The following SEPTIN5 variants were observed in gnomAD, a reference collection of about 807,000 sequenced individuals.
SEPTIN5 encodes the protein septin 5, also known as septin-5.
A neutral mutation model predicts 51.2 loss-of-function variants in SEPTIN5; 16 were observed. The ratio of observed to expected loss-of-function variants is 0.31; its 90% CI spans 0.21 to 0.47. The LOEUF (loss-of-function observed/expected upper bound fraction) is 0.47, where lower values mean the gene tolerates loss of function less well. Among genes scored for constraint, SEPTIN5 ranks in the 20% least tolerant of loss-of-function variants. The probability of loss-of-function intolerance (pLI) is 0.99; values close to 1 mark genes in which losing one functional copy is unlikely to be tolerated. For missense variants in SEPTIN5, 376 were observed against 500.3 expected, an observed-to-expected ratio of 0.75 and a Z score of 2.37; for synonymous variants, 208 against 191.2, an observed-to-expected ratio of 1.09 and a Z score of -0.72.
chr22:19,717,211 G>A (rs1398026220), intron 2 of SEPTIN5: 3 of 439,472 alleles, frequency 6.8e-6, no homozygotes, highest in Non-Finnish European at 1.4e-5. Context: ...GGGGCCTCCA[G>A]CTTCTAATGT....
intron 2 of SEPTIN5, chr22:19,719,143 C>T (rs1411906639): frequency 1.6e-5 from 4 of 243,774 alleles, no homozygotes; most frequent in Non-Finnish European, 3.1e-5. Context: ...CCGCCACCGC[C>T]GCTGCCGCCG....
chr22:19,720,072 G>A, intron 4 of SEPTIN5, 43 bp from the exon 5 acceptor site: 2 of 1,610,822 alleles, frequency 1.2e-6, no homozygotes, highest in Non-Finnish European at 1.7e-6. Flanking sequence ...AGGGTGAGGG[G>A]CTGAGGGTTG....
rs1935999586 is a variant in SEPTIN5 at position 19,720,229 on chromosome 22, A to C, written c.353A>C (p.Asn118Thr). 1 of 1,613,520 alleles carries C rather than the reference A, an allele frequency of 6.2e-7. No homozygotes were observed. The highest frequency in any genetic ancestry group is 8.5e-7 in the Non-Finnish European group (1 of 1,180,004). Reference protein sequence around the residue: ...DTPGFGDAVNNTECWKPITDY... With the variant: ...DTPGFGDAVNTTECWKPITDY... ...CCGGGATTCGGGGACGCTGTCAACA[A>C]CACCGAGTGGTGAGTGAGGCCTGCT... The change falls in exon 5 of 12, where the codon AAC (asparagine) becomes ACC (threonine). Residue 118 changes from asparagine (N) to threonine (T), a missense_variant. Around this residue, in one of 2 missense-constraint regions of SEPTIN5, gnomAD observed 287 missense variants for 417.1 expected, o/e 0.69. Transcript: ENST00000455784.
In SEPTIN5 at chr22:19,717,391, G is replaced by A. The variant is rs1404026982; in HGVS notation, c.55-2211G>A. 13 of 468,338 alleles carry A rather than the reference G, an allele frequency of 2.8e-5. No homozygotes were observed. The Admixed American group carries it at 3.1e-4, about 11-fold the overall frequency. 29.0% of individuals were successfully genotyped at this position (468,338 alleles called of 1,614,324 possible). A position where few individuals can be genotyped will look rare whatever the true frequency, so the allele number is the denominator to read the frequency against. On this transcript the variant is annotated intron_variant, in intron 2 of 11. Coordinates refer to ENST00000455784, the MANE Select transcript of SEPTIN5 (RefSeq NM_002688.6). Reference sequence around the variant, plus strand: ...CAGTCCCTGGAGTAGCCACATGGGAGGGAGGCCCGGCTGGCAGGAGCTCCC... The same window carrying A: ...CAGTCCCTGGAGTAGCCACATGGGAAGGAGGCCCGGCTGGCAGGAGCTCCC...
chr22:19,719,784 C>T (rs373332157), intron 3 of SEPTIN5, 22 bp from the exon 4 acceptor site: 3 of 1,612,598 alleles, frequency 1.9e-6, no homozygotes, highest in African/African-American at 1.3e-5. Flanking sequence ...TAACGCAGCT[C>T]CTTCTCTGTA....
chr22:19,720,507 C>T (rs946946723), intron 6 of SEPTIN5, 42 bp from the exon 7 acceptor site: 1 of 1,613,406 alleles, frequency 6.2e-7, no homozygotes, highest in Non-Finnish European at 8.5e-7. Flanking sequence ...ACAATATGGC[C>T]CCCTGGCTGT....
rs1430392295 is a variant in SEPTIN5, at chr22:19,719,620, G to C, written c.73G>C (p.Val25Leu). ...TCCCCAGGACATTGACAAGCAGTACGTGGGCTTCGCCACACTGCCCAACCA... is the reference window on the plus strand; with the variant it reads ...TCCCCAGGACATTGACAAGCAGTACCTGGGCTTCGCCACACTGCCCAACCA... ...EDKQDIDKQY[V>L]GFATLPNQVH... The change falls in exon 3 of 12, where the codon GTG (valine) becomes CTG (leucine). Residue 25 changes from valine to leucine, a missense_variant. By Grantham distance (32) the Val-to-Leu change is conservative (BLOSUM62 1). Transcript: ENST00000455784. The C allele has an allele frequency of 6.2e-7, 1 of 1,612,678 alleles. No individual in the cohort carries two copies. The highest frequency in any genetic ancestry group is 8.5e-7 in the Non-Finnish European group (1 of 1,179,804).
Position 19,721,805 on chromosome 22 carries a change from C to T in SEPTIN5, c.815-17C>T. 6.2e-7 allele frequency: 1 copy of T among 1,603,330 alleles called. No homozygotes were observed. Among genetic ancestry groups the T allele is most frequent in the Non-Finnish European group, 8.5e-7 (1 of 1,172,994 alleles). ...TCCTGGGCCGGCGCCAGCCCACTAC[C>T]CACCCCCACCCCGCAGTGGAGAACC... On this transcript the variant is annotated splice_polypyrimidine_tract_variant and intron_variant, in intron 9 of 11. Coordinates refer to ENST00000455784, the MANE Select transcript of SEPTIN5 (RefSeq NM_002688.6).
intron 2 of SEPTIN5, chr22:19,719,085 G>A (rs948099453): frequency 2.3e-5 from 8 of 341,160 alleles, no homozygotes; most frequent in Admixed American, 4.9e-5. Context: ...GCGCCTGGGC[G>A]CGCGGGCGGG....
chr22:19,714,710 C>T lies in SEPTIN5; in HGVS notation c.44-71C>T. On this transcript the variant is annotated intron_variant, in intron 1 of 11. Coordinates refer to ENST00000455784, the MANE Select transcript of SEPTIN5 (RefSeq NM_002688.6). This position sits in a 1 kb window ranked among gnomAD's most constrained non-coding sequence, Gnocchi z 5.2. Reference sequence around the variant, plus strand: ...CGCGCCTCTCACCGTGTCTCTCCGTCTCTCCCCCGCCCGCCGGCCCGGACC... The same window carrying T: ...CGCGCCTCTCACCGTGTCTCTCCGTTTCTCCCCCGCCCGCCGGCCCGGACC... The T allele has an allele frequency of 2.0e-6, 3 of 1,538,394 alleles. No homozygotes were observed. The East Asian group carries it at 7.3e-5, about 38-fold the overall frequency.
chr22:19,714,818 C>A lies in SEPTIN5; in HGVS notation c.54+27C>A. On this transcript the variant is annotated intron_variant, in intron 2 of 11. Coordinates refer to ENST00000455784, the MANE Select transcript of SEPTIN5 (RefSeq NM_002688.6). This position sits in a 1 kb window ranked among gnomAD's most constrained non-coding sequence, Gnocchi z 5.2. ...TACGTGCGCAGCGCCGCTCCCCCGC[C>A]GGGAGACCCGGCCGGCTGTCACCCA... is the stretch of plus-strand genomic sequence containing the variant. 6.3e-7 allele frequency: 1 copy of A among 1,590,744 alleles called. No individual in the cohort carries two copies.
intron 2 of SEPTIN5, among the ~76,000 whole-genome samples, chr22:19,716,426 C>T (rs1305147523): frequency 6.6e-6 from 1 of 152,258 alleles, no homozygotes; most frequent in Non-Finnish European, 1.5e-5. Flanking sequence ...CCGGTGATCT[C>T]TTGGCCCTGG....
At chr22:19,718,414 G>A in intron 2 of SEPTIN5, 13 of 1,052,372 alleles carry the variant, frequency 1.2e-5, no homozygotes, top group Non-Finnish European at 1.5e-5. Flanking sequence ...CGTCTCTGCC[G>A]CCCCCCGCCG....
rs75394242 is a variant in SEPTIN5, at chr22:19,723,063, C to T, written c.*579C>T. 2,223 of 507,126 alleles carry T rather than the reference C, an allele frequency of 4.4e-3. 37 individuals are homozygous for T. The highest frequency in any genetic ancestry group is 0.037 in the African/African-American group (1,967 of 53,054). 31.4% of individuals were successfully genotyped at this position (507,126 alleles called of 1,614,324 possible). A position where few individuals can be genotyped will look rare whatever the true frequency, so the allele number is the denominator to read the frequency against. ...GGGGTCGTGACCGCTTACACCCCTT[C>T]TCCACAGCCCGGCCCGACCTGGAGG... On this transcript the variant is annotated 3_prime_UTR_variant, in exon 12 of 12. Coordinates refer to ENST00000455784, the MANE Select transcript of SEPTIN5 (RefSeq NM_002688.6).
chr22:19,714,861 TG>T lies in SEPTIN5; in HGVS notation c.54+73del, dbSNP rs1321907654. The T allele has an allele frequency of 6.9e-7, 1 of 1,448,738 alleles. No homozygotes were observed. The highest frequency in any genetic ancestry group is 9.2e-7 in the Non-Finnish European group (1 of 1,085,524). 89.7% of individuals were successfully genotyped at this position (1,448,738 alleles called of 1,614,324 possible). ...GTCACCCATTGTGACACTAGCGCCT[TG>T]GGCGCCCAGGCGCGACCCCGCCCCC... is the stretch of plus-strand genomic sequence containing the variant. On this transcript the variant is annotated intron_variant, in intron 2 of 11. Coordinates refer to ENST00000455784, the MANE Select transcript of SEPTIN5 (RefSeq NM_002688.6). The surrounding 1 kb of genome is among the most constrained non-coding windows in gnomAD (Gnocchi z 5.2).
chr22:19,718,934 C>T, intron 2 of SEPTIN5: 2 of 1,062,104 alleles, frequency 1.9e-6, no homozygotes, highest in Non-Finnish European at 2.4e-6. Context: ...CAGCCCTTCC[C>T]TCCGCAGCGG....
At chr22:19,718,364 A>G (rs1012450123) in intron 2 of SEPTIN5, 1 of 1,002,078 alleles carries the variant, frequency 1.0e-6, no homozygotes, top group Non-Finnish European at 1.2e-6. Flanking sequence ...CCCGCGGCCC[A>G]ATTTCCAGGC....
chr22:19,722,388 C>T (rs745736970), intron 11 of SEPTIN5, 40 bp from the exon 12 acceptor site: 7 of 1,592,850 alleles, frequency 4.4e-6, no homozygotes, highest in African/African-American at 1.4e-5. Context: ...GGATGCTCCT[C>T]CGCGGTGCTG....
intron 2 of SEPTIN5, chr22:19,717,469 G>A (rs752253163): frequency 2.5e-6 from 1 of 406,000 alleles, no homozygotes; most frequent in East Asian, 7.4e-5. Context: ...GAGGGCAAGG[G>A]AATGTCCACA....
Sources: allele counts gnomAD v4.1 joint callset (sites outside exome capture counted in the v4.1 genomes callset), GRCh38; gene constraint gnomAD v4.1.1; regional missense constraint gnomAD v4.1.1; non-coding constraint Gnocchi (gnomAD v3.1); transcripts MANE v1.5; gene names NCBI Gene and HGNC (gene_info 2026-07-23, HGNC 2026-07-21).